Variants in PPP2R5E observed in about 807,000 individuals in gnomAD.
PPP2R5E encodes serine/threonine-protein phosphatase 2A 56 kDa regulatory subunit epsilon isoform.
PPP2R5E carries 4 observed loss-of-function variants against 65.3 expected under a neutral mutation model. The ratio of observed to expected loss-of-function variants is 0.06; its 90% CI spans 0.03 to 0.14. The LOEUF is 0.14. Among genes scored for constraint, PPP2R5E ranks in the 10% least tolerant of loss-of-function variants. The pLI is 1.00. For synonymous variants in PPP2R5E, 183 were observed against 187.4 expected, an observed-to-expected ratio of 0.98 and a Z score of 0.19; for missense variants, 274 against 556.1, an observed-to-expected ratio of 0.49 and a Z score of 5.10.
At position 63,540,384 on chromosome 14, in the gene PPP2R5E, T is replaced by C. The variant is rs1238071484; in HGVS notation, c.-7-692A>G. Among the ~76,000 whole-genome samples, 3 of 134,130 alleles carry C rather than the reference T, an allele frequency of 2.2e-5. No individual in the cohort carries two copies. The East Asian group carries it at 6.6e-4, about 29-fold the overall frequency. The allele number at this position is 134,130 out of a possible 152,430, so 88.0% of individuals were successfully genotyped here. A position where few individuals can be genotyped will look rare whatever the true frequency, so the allele number is the denominator to read the frequency against. On this transcript the variant is annotated intron_variant, in intron 1 of 13. Coordinates refer to ENST00000337537, the MANE Select transcript of PPP2R5E (RefSeq NM_006246.5). ...AGGCGGAGGTTGCGGTGAGCCAAGA[T>C]GGCACCACTGCACTCCAGCCTGGGC...
intron 2 of PPP2R5E, among the ~76,000 whole-genome samples, chr14:63,461,006 G>C (rs954566824): frequency 6.6e-6 from 1 of 152,134 alleles, no homozygotes; most frequent in Non-Finnish European, 1.5e-5. Flanking sequence ...ATGCCAAGTT[G>C]GTTACTGAAA....
intron 3 of PPP2R5E, among the ~76,000 whole-genome samples, chr14:63,449,413 CAT>C (rs1195487683): frequency 2.0e-5 from 3 of 152,180 alleles, no homozygotes; most frequent in Admixed American, 6.5e-5. Flanking sequence ...ATACTTGCCA[CAT>C]GTTAGAGACT....
intron 3 of PPP2R5E, among the ~76,000 whole-genome samples, chr14:63,425,156 C>T (rs1327225037): frequency 6.6e-6 from 1 of 152,096 alleles, no homozygotes; most frequent in African/African-American, 2.4e-5. Context: ...TATTCGTTAG[C>T]CTAGATGACA....
At chr14:63,404,073 T>C (rs886863460) in intron 5 of PPP2R5E, among the ~76,000 whole-genome samples, 2 of 152,216 alleles carry the variant, frequency 1.3e-5, no homozygotes, top group African/African-American at 4.8e-5. Context: ...TAAGTGTGGT[T>C]ACTTCTAGGA....
intron 2 of PPP2R5E, among the ~76,000 whole-genome samples, chr14:63,457,700 G>A (rs576414032): frequency 1.7e-4 from 26 of 152,114 alleles, no homozygotes; most frequent in Non-Finnish European, 2.5e-4. Context: ...TAAATAATGA[G>A]CAATCAATAA....
chr14:63,401,002 T>TAA (rs1176307711), intron 5 of PPP2R5E, among the ~76,000 whole-genome samples: 2 of 152,200 alleles, frequency 1.3e-5, no homozygotes, highest in East Asian at 3.8e-4. Flanking sequence ...GAATACACAA[T>TAA]AATTAAGCAA....
intron 2 of PPP2R5E, among the ~76,000 whole-genome samples, chr14:63,520,341 A>C (rs1192823589): frequency 6.6e-6 from 1 of 152,128 alleles, no homozygotes; most frequent in East Asian, 1.9e-4. Context: ...AGCCAAGAAG[A>C]ACCTTATCAA....
At chr14:63,519,859 A>C (rs1258422081) in intron 2 of PPP2R5E, among the ~76,000 whole-genome samples, 2 of 150,844 alleles carry the variant, frequency 1.3e-5, no homozygotes, top group Non-Finnish European at 1.5e-5. Context: ...ATGGGGTTTC[A>C]CCATGTTGAT....
chr14:63,490,967 G>A (rs1376812184), intron 2 of PPP2R5E, among the ~76,000 whole-genome samples: 1 of 151,608 alleles, frequency 6.6e-6, no homozygotes, highest in East Asian at 1.9e-4. Flanking sequence ...TTCACAATAG[G>A]AAAGATATGG....
In PPP2R5E at chr14:63,372,438, G is replaced by C. The variant is rs1883736658; in HGVS notation, c.*3571C>G. 1 of 152,110 alleles carries C rather than the reference G, an allele frequency of 6.6e-6. No individual in the cohort carries two copies. Among genetic ancestry groups the C allele is most frequent in the African/African-American group, 2.4e-5 (1 of 41,416 alleles). The allele number at this position is 152,110 out of a possible 1,614,324, so 9.4% of individuals were successfully genotyped here. On this transcript the variant is annotated 3_prime_UTR_variant, in exon 14 of 14. Transcript: ENST00000337537. Reference sequence around the variant, plus strand: ...ATTGATGTGCAAATAAAACATCAGTGATCATGTCTGGTGCCACCTTTTTGT... The same window carrying C: ...ATTGATGTGCAAATAAAACATCAGTCATCATGTCTGGTGCCACCTTTTTGT...
intron 4 of PPP2R5E, among the ~76,000 whole-genome samples, chr14:63,415,778 A>G (rs1185450535): frequency 6.6e-6 from 1 of 152,046 alleles, no homozygotes; most frequent in Non-Finnish European, 1.5e-5. Context: ...AATTTAACCA[A>G]CCTCCCAGGC....
chr14:63,378,445 G>A (rs1027567157), intron 13 of PPP2R5E, among the ~76,000 whole-genome samples: 3 of 152,224 alleles, frequency 2.0e-5, no homozygotes, highest in African/African-American at 7.2e-5. Flanking sequence ...GGTTAATTAA[G>A]TGTTGACATC....
At chr14:63,530,771 C>T (rs748768711) in intron 2 of PPP2R5E, among the ~76,000 whole-genome samples, 7 of 151,346 alleles carry the variant, frequency 4.6e-5, no homozygotes, top group Admixed American at 6.6e-5. Context: ...CGCATCACCA[C>T]GCCTGACTAA....
chr14:63,523,570 GCGGAAGGCCGCAGGGTCCT>G (rs914101328), intron 2 of PPP2R5E, among the ~76,000 whole-genome samples: 1 of 148,394 alleles, frequency 6.7e-6, no homozygotes, highest in African/African-American at 2.5e-5. Flanking sequence ...CACAAACACT[GCGGAAGGCCGCAGGGTCCT>G]CCGCCTAGGA....
At position 63,495,128 on chromosome 14, in the gene PPP2R5E, G is replaced by A. The variant is rs145319665; in HGVS notation, c.158-41243C>T. 1.9e-3 allele frequency among the ~76,000 whole-genome samples: 290 copies of A among 151,222 alleles called. 3 individuals are homozygous for A. Among genetic ancestry groups the A allele is most frequent in the African/African-American group, 6.6e-3 (273 of 41,156 alleles). ...TGAGGCAGGACAATCACTTGAACCC[G>A]GGAGGAGGAGGTTGCAGTGAGCCAA... On this transcript the variant is annotated intron_variant, in intron 2 of 13. Coordinates refer to ENST00000337537, the MANE Select transcript of PPP2R5E (RefSeq NM_006246.5).
At chr14:63,408,886 G>T (rs994907066) in intron 5 of PPP2R5E, among the ~76,000 whole-genome samples, 1 of 152,196 alleles carries the variant, frequency 6.6e-6, no homozygotes, top group Non-Finnish European at 1.5e-5. Context: ...CTTGAGTCCA[G>T]GAGTTCAAGA....
intron 2 of PPP2R5E, among the ~76,000 whole-genome samples, chr14:63,531,185 G>GA (rs1030754335): frequency 6.6e-6 from 1 of 152,134 alleles, no homozygotes; most frequent in Non-Finnish European, 1.5e-5. Flanking sequence ...AAGAAAGAAA[G>GA]AAAAAAATAA....
rs971613389 is a variant in PPP2R5E, at chr14:63,448,105, G to A, written c.354+5584C>T. ...AAGGTCAGGAGATAGAGACCATCCT[G>A]GCTAACATGGTGAAACCCTGTCTCT... On this transcript the variant is annotated intron_variant, in intron 3 of 13. Coordinates refer to ENST00000337537, the MANE Select transcript of PPP2R5E (RefSeq NM_006246.5). 7.2e-5 allele frequency among the ~76,000 whole-genome samples: 11 copies of A among 152,150 alleles called. 1 individual carries two copies. Among genetic ancestry groups the A allele is most frequent in the Admixed American group, 5.9e-4 (9 of 15,280 alleles).
In PPP2R5E at chr14:63,539,670, T is replaced by A; in HGVS notation, c.16A>T (p.Thr6Ser). Reference protein sequence around the residue: MSSAPTTPPSVDKVDG... With the variant: MSSAPSTPPSVDKVDG... ...ACTTTATCCACTGATGGAGGAGTAG[T>A]TGGTGCTGAGGACATATCCCTACTG... Residue 6 changes from threonine to serine, a missense_variant, in exon 2 of 14, where the codon ACT (threonine) becomes TCT (serine). Physicochemically the swap from Thr to Ser is moderately conservative, Grantham distance 58. Transcript: ENST00000337537. 6.2e-7 allele frequency: 1 copy of A among 1,613,782 alleles called. No individual in the cohort carries two copies. The highest frequency in any genetic ancestry group is 1.1e-5 in the South Asian group (1 of 91,034).
Sources: allele counts gnomAD v4.1 joint callset (sites outside exome capture counted in the v4.1 genomes callset), GRCh38; gene constraint gnomAD v4.1.1; transcripts MANE v1.5; gene names NCBI Gene and HGNC (gene_info 2026-07-23, HGNC 2026-07-21).